Variants in IGSF6 observed in about 807,000 individuals in gnomAD.
IGSF6 encodes the protein immunoglobulin superfamily member 6.
In IGSF6, 23 loss-of-function variants were observed where a neutral mutation model predicts 24.7. The ratio of observed to expected loss-of-function variants is 0.93; its 90% CI spans 0.67 to 1.32. The LOEUF (loss-of-function observed/expected upper bound fraction) is 1.32, where lower values mean the gene tolerates loss of function less well. Ranked by LOEUF, IGSF6 falls within the 40% of genes most tolerant of loss-of-function variation. The pLI is 0.00. For synonymous variants in IGSF6, 110 were observed against 113.7 expected, an observed-to-expected ratio of 0.97 and a Z score of 0.21; for missense variants, 295 against 293.6, an observed-to-expected ratio of 1.00 and a Z score of -0.04.
Position 21,644,342 on chromosome 16 carries a change from A to C in IGSF6, c.482T>G (p.Leu161Arg), listed in dbSNP as rs759541983. ...CACACCGGTCACATAGACAGAGAGC[A>C]GTGATACAAGAGCTGTCAGGAAGCT... ...LRSFLTALVS[L>R]LSVYVTGVCV... The change falls in exon 3 of 6, where the codon CTG becomes CGG. Residue 161 changes from leucine to arginine, a missense_variant. By Grantham distance (102) the Leu-to-Arg change is moderately radical. Transcript: ENST00000268389. 1 of 1,614,004 alleles carries C rather than the reference A, an allele frequency of 6.2e-7. No homozygotes were observed. The highest frequency in any genetic ancestry group is 1.3e-5 in the African/African-American group (1 of 74,942).
intron 2 of IGSF6, among the ~76,000 whole-genome samples, chr16:21,644,791 A>T (rs1464073315): frequency 6.6e-6 from 1 of 152,212 alleles, no homozygotes; most frequent in East Asian, 1.9e-4. Context: ...CTATGTGGTT[A>T]AGATATTTTC....
rs143790929 is a variant in IGSF6 at position 21,651,201 on chromosome 16, T to C, written c.67+1331A>G. 9.1e-3 allele frequency among the ~76,000 whole-genome samples: 1,391 copies of C among 152,134 alleles called. 48 individuals carry two copies. Among genetic ancestry groups the C allele is most frequent in the East Asian group, 0.082 (423 of 5,156 alleles). On this transcript the variant is annotated intron_variant, in intron 1 of 5. Transcript: ENST00000268389. The stretch of plus-strand genomic sequence containing the variant: ...TCTTGCCACTGCACTCCAGCCTGGG[T>C]GACAGAGCGAGACTCCGTCTCAAAC...
At chr16:21,641,863 A>G (rs757026504) in intron 5 of IGSF6, among the ~76,000 whole-genome samples, 4 of 152,136 alleles carry the variant, frequency 2.6e-5, no homozygotes, top group Admixed American at 6.5e-5. Context: ...CTTTCAGGCC[A>G]CATACCTCGG....
At chr16:21,649,304 A>G (rs1286022346) in intron 1 of IGSF6, among the ~76,000 whole-genome samples, 2 of 152,018 alleles carry the variant, frequency 1.3e-5, no homozygotes, top group African/African-American at 4.8e-5. Flanking sequence ...TCTTCTCATC[A>G]TGTTATATTT....
Position 21,652,593 on chromosome 16 carries a change from C to T in IGSF6, c.6G>A (p.Gly2=), listed in dbSNP as rs1966607628. M[G]TASRSNIARH... ...GAGCGATGTTGCTTCTGCTCGCAGTCCCCATTTCTGTGTATGCCGGGGCGG... is the reference window on the plus strand; with the variant it reads ...GAGCGATGTTGCTTCTGCTCGCAGTTCCCATTTCTGTGTATGCCGGGGCGG... The change falls in exon 1 of 6, where the codon GGG becomes GGA. Residue 2 remains glycine, a synonymous_variant. Coordinates refer to ENST00000268389, the MANE Select transcript of IGSF6 (RefSeq NM_005849.4). 1 of 1,609,106 alleles carries T rather than the reference C, an allele frequency of 6.2e-7. No individual in the cohort carries two copies. The highest frequency in any genetic ancestry group is 8.5e-7 in the Non-Finnish European group (1 of 1,177,566).
At chr16:21,651,753 C>T (rs1054108193) in intron 1 of IGSF6, 4 of 151,996 alleles carry the variant, frequency 2.6e-5, no homozygotes, top group African/African-American at 9.7e-5. Context: ...AGAGCAAATC[C>T]CAGCCATTTT....
chr16:21,640,727 A>G lies in IGSF6; in HGVS notation c.*807T>C, dbSNP rs1966237237. ...GGTTGTAGTGAGCCGAGATTGCACCACTGCACTCCACCCTGGGCAACAGAA... is the reference window on the plus strand; with the variant it reads ...GGTTGTAGTGAGCCGAGATTGCACCGCTGCACTCCACCCTGGGCAACAGAA... On this transcript the variant is annotated 3_prime_UTR_variant, in exon 6 of 6. Transcript: ENST00000268389. The G allele has an allele frequency of 6.7e-6, 1 of 148,718 alleles. No homozygotes were observed. The highest frequency in any genetic ancestry group is 1.5e-5 in the Non-Finnish European group (1 of 67,478). The allele number at this position is 148,718 out of a possible 1,614,324, so 9.2% of individuals were successfully genotyped here. A position where few individuals can be genotyped will look rare whatever the true frequency, so the allele number is the denominator to read the frequency against.
intron 2 of IGSF6, 79 bp downstream of exon 2, chr16:21,647,054 C>T (rs914684538): frequency 3.2e-5 from 51 of 1,583,070 alleles, no homozygotes; most frequent in Non-Finnish European, 3.6e-5. Context: ...CTCCTGATTT[C>T]TACATGTGAG....
chr16:21,649,558 A>G (rs894928403), intron 1 of IGSF6, among the ~76,000 whole-genome samples: 1 of 152,190 alleles, frequency 6.6e-6, no homozygotes, highest in Non-Finnish European at 1.5e-5. Context: ...AACATTTTAT[A>G]GTATATACTG....
chr16:21,650,261 CT>C (rs925286458), intron 1 of IGSF6, among the ~76,000 whole-genome samples: 10 of 152,086 alleles, frequency 6.6e-5, no homozygotes, highest in Non-Finnish European at 1.3e-4. Context: ...AATCCCAGCA[CT>C]TTGGGATGCC....
intron 1 of IGSF6, among the ~76,000 whole-genome samples, chr16:21,651,161 T>G (rs1966564346): frequency 6.6e-6 from 1 of 152,128 alleles, no homozygotes; most frequent in South Asian, 2.1e-4. Flanking sequence ...AGGCGGAGCT[T>G]GCAGTGAGCC....
chr16:21,652,276 T>C lies in IGSF6; in HGVS notation c.67+256A>G, dbSNP rs533843796. 22 of 342,268 alleles carry C rather than the reference T, an allele frequency of 6.4e-5. No homozygotes were observed. In the Admixed American group the frequency reaches 6.7e-4, roughly 10 times the overall value. 21.2% of individuals were successfully genotyped at this position (342,268 alleles called of 1,614,324 possible). A position where few individuals can be genotyped will look rare whatever the true frequency, so the allele number is the denominator to read the frequency against. On this transcript the variant is annotated intron_variant, in intron 1 of 5. Coordinates refer to ENST00000268389, the MANE Select transcript of IGSF6 (RefSeq NM_005849.4). ...ACTTATACCTACGATTTTAAGAATATTTTCAACCCTTTGGTCAGATTGTCT... is the reference window on the plus strand; with the variant it reads ...ACTTATACCTACGATTTTAAGAATACTTTCAACCCTTTGGTCAGATTGTCT...
At chr16:21,650,056 G>A (rs1045096211) in intron 1 of IGSF6, among the ~76,000 whole-genome samples, 5 of 152,136 alleles carry the variant, frequency 3.3e-5, no homozygotes, top group African/African-American at 1.2e-4. Flanking sequence ...GGCTGAGACC[G>A]GAGGCTGATT....
chr16:21,644,948 G>T (rs1597784690), intron 2 of IGSF6, among the ~76,000 whole-genome samples: 1 of 152,154 alleles, frequency 6.6e-6, no homozygotes, highest in Admixed American at 6.5e-5. Flanking sequence ...TTTGCCAAAT[G>T]TGCTCTTCTT....
At chr16:21,649,236 G>T (rs1423145290) in intron 1 of IGSF6, among the ~76,000 whole-genome samples, 1 of 152,108 alleles carries the variant, frequency 6.6e-6, no homozygotes, top group Admixed American at 6.6e-5. Context: ...CAAGCGACCC[G>T]CTTGCCTCGG....
chr16:21,643,232 T>C (rs1966324986), intron 4 of IGSF6, 78 bp from the exon 5 acceptor site: 1 of 1,073,358 alleles, frequency 9.3e-7, no homozygotes, highest in African/African-American at 1.6e-5. Flanking sequence ...AGAACTTTTC[T>C]TGCTCTATTG....
rs937636370 is a variant in IGSF6, at chr16:21,640,130, G to A, written c.*1404C>T. On this transcript the variant is annotated 3_prime_UTR_variant, in exon 6 of 6. Transcript: ENST00000268389. Reference sequence around the variant, plus strand: ...ATTTTTTTGTATTTTTAGTAGAGACGGGTTTCATCATGTTGTTCAGGCTGG... The same window carrying A: ...ATTTTTTTGTATTTTTAGTAGAGACAGGTTTCATCATGTTGTTCAGGCTGG... 6.6e-6 allele frequency: 1 copy of A among 151,630 alleles called. No individual in the cohort carries two copies. The highest frequency in any genetic ancestry group is 1.5e-5 in the Non-Finnish European group (1 of 67,952). The allele number at this position is 151,630 out of a possible 1,614,324, so 9.4% of individuals were successfully genotyped here.
Position 21,641,170 on chromosome 16 carries a change from C to G in IGSF6, c.*364G>C, listed in dbSNP as rs149283702. The G allele has an allele frequency of 3.1e-3, 496 of 161,328 alleles. 4 individuals are homozygous for G. Among genetic ancestry groups the G allele is most frequent in the South Asian group, 0.016 (80 of 5,004 alleles). The allele number at this position is 161,328 out of a possible 1,614,324, so 10.0% of individuals were successfully genotyped here. ...ACTTATTTTAATTGTGCCATGATTT[C>G]CACAAACCATAAAGGTGATTCTTCC... On this transcript the variant is annotated 3_prime_UTR_variant, in exon 6 of 6. Transcript: ENST00000268389.
chr16:21,641,989 A>G (rs1966284949), intron 5 of IGSF6: 1 of 154,048 alleles, frequency 6.5e-6, no homozygotes, highest in South Asian at 2.1e-4. Flanking sequence ...ACACTGTAGG[A>G]TGAAACGACT....
Sources: allele counts gnomAD v4.1 joint callset (sites outside exome capture counted in the v4.1 genomes callset), GRCh38; gene constraint gnomAD v4.1.1; transcripts MANE v1.5; gene names NCBI Gene and HGNC (gene_info 2026-07-23, HGNC 2026-07-21).